SRC: variants seen among roughly 807,000 people sequenced by gnomAD.
SRC encodes the protein proto-oncogene tyrosine-protein kinase Src.
Under a neutral mutation model 62.9 loss-of-function variants are expected in SRC, and 13 were observed. The ratio of observed to expected loss-of-function variants is 0.21; its 90% CI spans 0.13 to 0.33. The LOEUF is 0.33. Among genes scored for constraint, SRC ranks in the 10% least tolerant of loss-of-function variants. The pLI, the probability that SRC is intolerant of heterozygous loss-of-function variation, is 1.00. For missense variants in SRC, 457 were observed against 737.3 expected, an observed-to-expected ratio of 0.62 and a Z score of 4.40; for synonymous variants, 302 against 317.5, an observed-to-expected ratio of 0.95 and a Z score of 0.52.
At chr20:37,370,865 C>T (rs1170120311) in intron 2 of SRC, among the ~76,000 whole-genome samples, 1 of 152,122 alleles carries the variant, frequency 6.6e-6, no homozygotes, top group Non-Finnish European at 1.5e-5. Context: ...TGGTAGAATT[C>T]ACCAGTCCAG....
At chr20:37,401,890 CA>C (rs964109508) in intron 11 of SRC, 1 of 469,868 alleles carries the variant, frequency 2.1e-6, no homozygotes, top group African/African-American at 2.0e-5. Flanking sequence ...ACCTGGGCAT[CA>C]GGGGTCACTG....
At chr20:37,350,024 A>C (rs2069779727) in intron 1 of SRC, among the ~76,000 whole-genome samples, 1 of 152,170 alleles carries the variant, frequency 6.6e-6, no homozygotes, top group Non-Finnish European at 1.5e-5. Flanking sequence ...CAGCAGAGCC[A>C]CTGAAAAAGG....
chr20:37,363,288 G>A (rs941368148), intron 1 of SRC, among the ~76,000 whole-genome samples: 10 of 152,126 alleles, frequency 6.6e-5, no homozygotes, highest in African/African-American at 9.7e-5. Context: ...GGTCTTCCCC[G>A]GGCCCCCTCG....
chr20:37,362,213 G>T (rs1192463710), intron 1 of SRC, among the ~76,000 whole-genome samples: 8 of 151,728 alleles, frequency 5.3e-5, no homozygotes, highest in Non-Finnish European at 4.4e-5. Context: ...CACCATGACC[G>T]GTTACATTTT....
At chr20:37,372,352 ACATC>A (rs2070179891) in intron 2 of SRC, among the ~76,000 whole-genome samples, 1 of 152,108 alleles carries the variant, frequency 6.6e-6, no homozygotes, top group African/African-American at 2.4e-5. Flanking sequence ...CTCTTTTACC[ACATC>A]CATATATTTG....
Position 37,360,218 on chromosome 20 carries a change from C to CTTTTTTTTTTTTTTTTTTTTT in SRC, c.-246-4966_-246-4965insTTTTTTTTTTTTTTTTTTTTT, listed in dbSNP as rs61476973. Among the ~76,000 whole-genome samples the CTTTTTTTTTTTTTTTTTTTTT allele has an allele frequency of 7.6e-5, 8 of 105,630 alleles. 1 individual carries two copies. The highest frequency in any genetic ancestry group is 3.8e-4 in the African/African-American group (8 of 20,946). The allele number at this position is 105,630 out of a possible 152,430, so 69.3% of individuals were successfully genotyped here. A position where few individuals can be genotyped will look rare whatever the true frequency, so the allele number is the denominator to read the frequency against. ...AATTTCTTTCTCTTTCTCTCTCTCTCTTTTTTTTTTTTTTTTTTTTGGTGA... is the reference window on the plus strand; with the variant it reads ...AATTTCTTTCTCTTTCTCTCTCTCTCTTTTTTTTTTTTTTTTTTTTTTTTTTTTTTTTTTTTTTTTTGGTGA... On this transcript the variant is annotated intron_variant, in intron 1 of 13. Coordinates refer to ENST00000373578, the MANE Select transcript of SRC (RefSeq NM_198291.3).
At position 37,386,268 on chromosome 20, in the gene SRC, A is replaced by G. The variant is rs1415182203; in HGVS notation, c.350+94A>G. The G allele has an allele frequency of 4.0e-6, 5 of 1,238,888 alleles. No individual in the cohort carries two copies. In the Admixed American group the frequency reaches 8.5e-5, roughly 21 times the overall value. The allele number at this position is 1,238,888 out of a possible 1,614,324, so 76.7% of individuals were successfully genotyped here. A position where few individuals can be genotyped will look rare whatever the true frequency, so the allele number is the denominator to read the frequency against. On this transcript the variant is annotated intron_variant, in intron 5 of 13. Coordinates refer to ENST00000373578, the MANE Select transcript of SRC (RefSeq NM_198291.3). The stretch of plus-strand genomic sequence containing the variant: ...GCAGGATCTGGCATCAGGGCAGCAC[A>G]GTGCAGAGCCCAGGGCAGTGCGAAG...
At chr20:37,365,506 T>C (rs1284343608) in intron 2 of SRC, among the ~76,000 whole-genome samples, 1 of 152,124 alleles carries the variant, frequency 6.6e-6, no homozygotes, top group African/African-American at 2.4e-5. Flanking sequence ...TTTAGCATAA[T>C]GTGAATTTCA....
rs973956614 is a variant in SRC at position 37,403,775 on chromosome 20, C to G, written c.*396C>G. On this transcript the variant is annotated 3_prime_UTR_variant, in exon 14 of 14. Coordinates refer to ENST00000373578, the MANE Select transcript of SRC (RefSeq NM_198291.3). The surrounding 1 kb of genome is among the most constrained non-coding windows in gnomAD (Gnocchi z 7.1). ...CTTCTGTGCCACCCCCGGTCTATGT[C>G]GAGAGCTGGCCAAAGAGCCTTTCCA... The G allele has an allele frequency of 3.6e-6, 1 of 280,850 alleles. No individual in the cohort carries two copies. Among genetic ancestry groups the G allele is most frequent in the African/African-American group, 2.1e-5 (1 of 47,876 alleles). 17.4% of individuals were successfully genotyped at this position (280,850 alleles called of 1,614,324 possible).
At chr20:37,399,575 C>A (rs57351337) in intron 9 of SRC, among the ~76,000 whole-genome samples, 6,310 of 150,868 alleles carry the variant, frequency 0.042, 423 homozygotes, top group African/African-American at 0.14. Context: ...GACAGGATCT[C>A]ACTCTGTCAC....
intron 5 of SRC, among the ~76,000 whole-genome samples, chr20:37,389,466 C>A (rs1433413188): frequency 6.6e-6 from 1 of 152,182 alleles, no homozygotes; most frequent in African/African-American, 2.4e-5. Context: ...CCTCCAGAGA[C>A]CTGTGCTGGC....
rs562351317 is a variant in SRC at position 37,353,833 on chromosome 20, G to A, written c.-247+7578G>A. On this transcript the variant is annotated intron_variant, in intron 1 of 13. Transcript: ENST00000373578. ...TCCCCACAGTTCCTCACTGGGCAGC[G>A]TGAAGACAGGGAGACTTCTCCTCTA... Among the ~76,000 whole-genome samples, 6 of 152,284 alleles carry A rather than the reference G, an allele frequency of 3.9e-5. No homozygotes were observed. The East Asian group carries it at 1.2e-3, about 29-fold the overall frequency.
At chr20:37,391,950 A>T (rs894545615) in intron 5 of SRC, among the ~76,000 whole-genome samples, 5 of 152,148 alleles carry the variant, frequency 3.3e-5, no homozygotes, top group African/African-American at 1.2e-4. Context: ...CAGTTTCTTC[A>T]TCTGGGGCCT....
chr20:37,353,643 G>A (rs1432383964), intron 1 of SRC, among the ~76,000 whole-genome samples: 2 of 152,094 alleles, frequency 1.3e-5, no homozygotes, highest in Non-Finnish European at 2.9e-5. Flanking sequence ...TAGTGGTCCC[G>A]GCCCCATTTC....
At chr20:37,389,006 G>A (rs142862540) in intron 5 of SRC, among the ~76,000 whole-genome samples, 109 of 152,234 alleles carry the variant, frequency 7.2e-4, no homozygotes, top group African/African-American at 2.4e-3. Context: ...GCCCAGGCAC[G>A]TGTGGAGGCT....
chr20:37,348,131 A>G (rs2069750011), intron 1 of SRC, among the ~76,000 whole-genome samples: 1 of 152,084 alleles, frequency 6.6e-6, no homozygotes, highest in African/African-American at 2.4e-5. Context: ...CCTCTCCTCC[A>G]GGTGCTGCTT....
chr20:37,384,281 C>T lies in SRC; in HGVS notation c.128C>T (p.Ser43Leu). ...TCGCAGACCCCCAGCAAGCCAGCCT[C>T]GGCCGACGGCCACCGCGGCCCCAGC... is the stretch of plus-strand genomic sequence containing the variant. ...PASQTPSKPA[S>L]ADGHRGPSAA... Residue 43 changes from serine to leucine, a missense_variant, in exon 4 of 14, where the codon TCG becomes TTG. Transcript: ENST00000373578. This position sits in a 1 kb window ranked among gnomAD's most constrained non-coding sequence, Gnocchi z 6.7. 1 of 1,516,022 alleles carries T rather than the reference C, an allele frequency of 6.6e-7. No homozygotes were observed. Among genetic ancestry groups the T allele is most frequent in the South Asian group, 1.2e-5 (1 of 81,910 alleles). The allele number at this position is 1,516,022 out of a possible 1,614,324, so 93.9% of individuals were successfully genotyped here. A position where few individuals can be genotyped will look rare whatever the true frequency, so the allele number is the denominator to read the frequency against.
At chr20:37,388,458 G>A (rs2070490002) in intron 5 of SRC, among the ~76,000 whole-genome samples, 1 of 152,190 alleles carries the variant, frequency 6.6e-6, no homozygotes, top group African/African-American at 2.4e-5. Flanking sequence ...AGACGTCAGA[G>A]ATGGTGGCTG....
In SRC at chr20:37,402,461, G is replaced by A. The variant is rs756352185; in HGVS notation, c.1143G>A (p.Glu381=). The A allele has an allele frequency of 2.7e-5, 43 of 1,613,820 alleles. No individual in the cohort carries two copies. In the Admixed American group the frequency reaches 7.0e-4, roughly 26 times the overall value. Residue 381 remains glutamate (E), a synonymous_variant, in exon 12 of 14, where the codon GAG becomes GAA. Coordinates refer to ENST00000373578, the MANE Select transcript of SRC (RefSeq NM_198291.3). This position sits in a 1 kb window ranked among gnomAD's most constrained non-coding sequence, Gnocchi z 6.2. The part of the protein sequence containing the change: ...AQIASGMAYV[E]RMNYVHRDLR... ...TCGCCTCAGGCATGGCGTACGTGGA[G>A]CGGATGAACTACGTCCACCGGGACC...
Sources: gnomAD v4.1 joint callset for allele counts (sites outside exome capture counted in the v4.1 genomes callset) on GRCh38, gnomAD v4.1.1 for gene constraint, Gnocchi (gnomAD v3.1) non-coding constraint, MANE v1.5 for transcripts, NCBI Gene and HGNC (gene_info 2026-07-23, HGNC 2026-07-21) for gene names.